The following ARMC2 variants were observed in gnomAD, a reference collection of about 807,000 sequenced individuals.
ARMC2 encodes armadillo repeat containing 2.
A neutral mutation model predicts 90.3 loss-of-function variants in ARMC2; 67 were observed. That is an observed-to-expected ratio of 0.74 (90% confidence interval 0.61 to 0.91). The LOEUF is 0.91. Ranked by LOEUF, ARMC2 falls within the 40% of genes least tolerant of loss-of-function variation. ARMC2 has a pLI of 0.00. For missense variants in ARMC2, 920 were observed against 1,030.9 expected (o/e 0.89, Z 1.47); for synonymous variants, 393 against 393.0 (o/e 1.00, Z 0.00).
rs1293253735 is a variant in ARMC2 at position 108,904,246 on chromosome 6, G to A, written c.864G>A (p.Thr288=). 6 of 1,613,384 alleles carry A rather than the reference G, an allele frequency of 3.7e-6. No homozygotes were observed. The highest frequency in any genetic ancestry group is 2.7e-5 in the African/African-American group (2 of 74,880). Residue 288 remains threonine (T), a synonymous_variant, in exon 8 of 18, where the codon ACG becomes ACA. Coordinates refer to ENST00000392644, the MANE Select transcript of ARMC2 (RefSeq NM_032131.6). ...CTCTGACAGAAGAAAACATTGAAAC[G>A]GTTTGTGCTGCTTGCACACAACTTC... ...RELEKEENIE[T]VCAACTQLHH... is the part of the protein sequence containing the mutation.
chr6:108,868,883 G>A lies in ARMC2; in HGVS notation c.351G>A (p.Lys117=), dbSNP rs761425113. 6.2e-6 allele frequency: 10 copies of A among 1,613,766 alleles called. No homozygotes were observed. The highest frequency in any genetic ancestry group is 5.0e-5 in the Admixed American group (3 of 59,994). ...REEDSCFSFP[K]PPVDPAKIRR... ...AGGATTCCTGCTTTTCCTTTCCTAA[G>A]CCCCCAGTGGACCCTGCGAAGATTA... is the stretch of plus-strand genomic sequence containing the variant. Residue 117 remains lysine (K), a synonymous_variant, in exon 4 of 18, where the codon AAG becomes AAA. Coordinates refer to ENST00000392644, the MANE Select transcript of ARMC2 (RefSeq NM_032131.6).
the ARMC2 span, among the ~76,000 whole-genome samples, chr6:109,041,475 A>G: frequency 1.3e-5 from 2 of 152,328 alleles, no homozygotes; most frequent in East Asian, 3.9e-4. Flanking sequence ...GATTTTGAGG[A>G]CAATGAAAAA....
At chr6:108,853,141 TTTAAC>T (rs1201485202) in intron 1 of ARMC2, among the ~76,000 whole-genome samples, 1 of 152,190 alleles carries the variant, frequency 6.6e-6, no homozygotes, top group Non-Finnish European at 1.5e-5. Context: ...TTTTTACTGT[TTTAAC>T]TCAACACCTG....
At chr6:108,856,585 GC>G (rs1340965774) in intron 2 of ARMC2, 1 of 213,138 alleles carries the variant, frequency 4.7e-6, no homozygotes, top group Non-Finnish European at 1.0e-5. Context: ...TTAGATGAAA[GC>G]CACAAAGATG....
At chr6:108,927,314 T>G (rs540466203) in intron 10 of ARMC2, among the ~76,000 whole-genome samples, 289 of 152,318 alleles carry the variant, frequency 1.9e-3, no homozygotes, top group Non-Finnish European at 3.2e-3. Flanking sequence ...TAGGGAAGTA[T>G]CATCACCTCT....
At chr6:109,014,290 A>T in the ARMC2 span, among the ~76,000 whole-genome samples, 2 of 152,258 alleles carry the variant, frequency 1.3e-5, no homozygotes, top group African/African-American at 4.8e-5. Context: ...TAATAAGACC[A>T]GTAATTTGTT....
intron 10 of ARMC2, among the ~76,000 whole-genome samples, chr6:108,917,389 G>A (rs1304110209): frequency 2.6e-5 from 4 of 152,074 alleles, no homozygotes; most frequent in East Asian, 1.9e-4. Context: ...CGGGAAGGTC[G>A]GTCCTCCCAC....
intron 5 of ARMC2, among the ~76,000 whole-genome samples, chr6:108,890,790 T>A (rs1294019147): frequency 1.3e-5 from 2 of 152,192 alleles, no homozygotes; most frequent in African/African-American, 4.8e-5. Context: ...TTTTAAGTTC[T>A]GGGATGCATG....
intron 5 of ARMC2, among the ~76,000 whole-genome samples, chr6:108,878,478 G>T (rs959698401): frequency 6.6e-6 from 1 of 152,166 alleles, no homozygotes; most frequent in African/African-American, 2.4e-5. Flanking sequence ...TGTTTATCTG[G>T]CTGGGAGAGG....
At chr6:109,028,725 C>T in the ARMC2 span, among the ~76,000 whole-genome samples, 1 of 152,174 alleles carries the variant, frequency 6.6e-6, no homozygotes, top group African/African-American at 2.4e-5. Context: ...GAATCTACTA[C>T]TTAAAAATAA....
chr6:108,970,488 T>G (rs1210044269), intron 17 of ARMC2, among the ~76,000 whole-genome samples: 1 of 127,520 alleles, frequency 7.8e-6, no homozygotes, highest in Non-Finnish European at 1.7e-5. Flanking sequence ...CTTTTTCTTC[T>G]CTTTTCTTTT....
At chr6:108,852,097 C>G (rs1488286240) in intron 1 of ARMC2, among the ~76,000 whole-genome samples, 1 of 152,090 alleles carries the variant, frequency 6.6e-6, no homozygotes, top group African/African-American at 2.4e-5. Context: ...TGTTATGGTT[C>G]AGGTATACTT....
At chr6:108,936,321 A>G (rs1330746708) in intron 11 of ARMC2, among the ~76,000 whole-genome samples, 5 of 152,134 alleles carry the variant, frequency 3.3e-5, no homozygotes, top group East Asian at 1.9e-4. Flanking sequence ...CAGTGGTTCA[A>G]TCTTGGCTCA....
chr6:108,971,961 C>T (rs1375529741), intron 17 of ARMC2, among the ~76,000 whole-genome samples: 1 of 150,526 alleles, frequency 6.6e-6, no homozygotes. Context: ...TAAGTAACAA[C>T]ATCTGTGGTT....
the ARMC2 span, among the ~76,000 whole-genome samples, chr6:109,028,576 G>A: frequency 1.3e-5 from 2 of 152,102 alleles, no homozygotes; most frequent in Non-Finnish European, 2.9e-5. Context: ...TTTCTTCCGG[G>A]CAATACTAGG....
At chr6:109,010,607 T>C in the ARMC2 span, among the ~76,000 whole-genome samples, 1 of 152,236 alleles carries the variant, frequency 6.6e-6, no homozygotes, top group African/African-American at 2.4e-5. Flanking sequence ...TCAACTATCA[T>C]GTTTAAAGTG....
chr6:108,965,792 G>A (rs1042272558), intron 17 of ARMC2, among the ~76,000 whole-genome samples: 1 of 151,360 alleles, frequency 6.6e-6, no homozygotes, highest in East Asian at 2.0e-4. Flanking sequence ...CTACAGACAC[G>A]CACCACCATG....
At chr6:109,012,890 C>T in the ARMC2 span, among the ~76,000 whole-genome samples, 1 of 151,744 alleles carries the variant, frequency 6.6e-6, no homozygotes, top group South Asian at 2.1e-4. Flanking sequence ...CGAGGCAGGG[C>T]GGATCACAAG....
Position 108,961,682 on chromosome 6 carries a change from T to C in ARMC2, c.2026T>C (p.Tyr676His). Residue 676 changes from tyrosine (Y) to histidine (H), a missense_variant, in exon 14 of 18, where the codon TAT becomes CAT. Physicochemically the swap from Tyr to His is moderately conservative, Grantham distance 83. Transcript: ENST00000392644. ...KNSIIQDKKL[Y>H]IAELLLKLLV... The stretch of plus-strand genomic sequence containing the variant: ...TTCCATAATTCAAGACAAAAAGCTA[T>C]ATATTGCTGAATGTAAGGTTCAGAG... The C allele has an allele frequency of 1.9e-6, 3 of 1,602,224 alleles. No individual in the cohort carries two copies. The highest frequency in any genetic ancestry group is 2.6e-6 in the Non-Finnish European group (3 of 1,176,006).
Sources: gnomAD v4.1 joint callset for allele counts (sites outside exome capture counted in the v4.1 genomes callset) on GRCh38, gnomAD v4.1.1 for gene constraint, MANE v1.5 for transcripts, NCBI Gene and HGNC (gene_info 2026-07-23, HGNC 2026-07-21) for gene names.